LAMA5: variants seen among roughly 807,000 people sequenced by gnomAD.
The protein encoded by LAMA5 is laminin subunit alpha-5.
LAMA5 carries 260 observed loss-of-function variants against 433.4 expected under a neutral mutation model. That is an observed-to-expected ratio of 0.60 (90% CI 0.54 to 0.66). The LOEUF (loss-of-function observed/expected upper bound fraction) is 0.66. LAMA5 is among the 30% of genes least tolerant of loss of function. The probability of loss-of-function intolerance (pLI) is 0.00; values close to 1 mark genes in which losing one functional copy is unlikely to be tolerated. For missense variants in LAMA5, 5,378 were observed against 5,258.5 expected (o/e 1.02, Z -0.70); for synonymous variants, 2,620 against 2,226.6 (o/e 1.18, Z -4.97).
In LAMA5 at chr20:62,352,503, C is replaced by G. The variant is rs186611708; in HGVS notation, c.569-143G>C. The G allele has an allele frequency of 3.4e-4, 220 of 646,404 alleles. 2 individuals are homozygous for G. The African/African-American group carries it at 3.5e-3, about 10-fold the overall frequency. The allele number at this position is 646,404 out of a possible 1,614,324, so 40.0% of individuals were successfully genotyped here. ...GCCGCGTGACAGAGACCACAGCTCACTGGCTGAAGGGGCCTGGCCCGTTGG... is the reference window on the plus strand; with the variant it reads ...GCCGCGTGACAGAGACCACAGCTCAGTGGCTGAAGGGGCCTGGCCCGTTGG... On this transcript the variant is annotated intron_variant, in intron 3 of 79. Coordinates refer to ENST00000252999, the MANE Select transcript of LAMA5 (RefSeq NM_005560.6).
At chr20:62,334,407 C>G in intron 21 of LAMA5, 65 bp from the exon 22 acceptor site, 1 of 1,524,796 alleles carries the variant, frequency 6.6e-7, no homozygotes, top group South Asian at 1.2e-5. Flanking sequence ...ACAGCGGCCC[C>G]GGGTCTCCAG....
chr20:62,360,966 G>A (rs1986066260), intron 2 of LAMA5, among the ~76,000 whole-genome samples: 1 of 152,104 alleles, frequency 6.6e-6, no homozygotes, highest in Admixed American at 6.5e-5. Flanking sequence ...CGGGCACTGC[G>A]CCCACTGGCT....
rs768417939 is a variant in LAMA5 at position 62,310,187 on chromosome 20, G to A, written c.10725C>T (p.Thr3575=). ...RTPPYLQLQV[T]EKQVLLRADD... Reference sequence around the variant, plus strand: ...CCTCTGCCAGGCTTACTTGCTTCTCGGTCACCTGCAACTGCAAGTAGGGGG... The same window carrying A: ...CCTCTGCCAGGCTTACTTGCTTCTCAGTCACCTGCAACTGCAAGTAGGGGG... The change falls in exon 77 of 80, where the codon ACC becomes ACT. Residue 3575 remains threonine (T), a synonymous_variant. Transcript: ENST00000252999. The A allele has an allele frequency of 3.0e-5, 49 of 1,612,298 alleles. No individual in the cohort carries two copies. The highest frequency in any genetic ancestry group is 1.7e-4 in the Admixed American group (10 of 59,998).
In LAMA5 at chr20:62,312,481, G is replaced by A. The variant is rs770500235; in HGVS notation, c.9279C>T (p.Gly3093=). The change falls in exon 68 of 80, where the codon GGC becomes GGT. Residue 3093 remains glycine (G), a synonymous_variant. Coordinates refer to ENST00000252999, the MANE Select transcript of LAMA5 (RefSeq NM_005560.6). ...CCACATACTTGCCCAGGGCCTTGAT[G>A]CCTTTGACGCAGCCACGGACTGAGC... ...TGGSVRGCVK[G]IKALGKYVDL... 7 of 1,598,410 alleles carry A rather than the reference G, an allele frequency of 4.4e-6. No homozygotes were observed. Among genetic ancestry groups the A allele is most frequent in the African/African-American group, 1.3e-5 (1 of 74,904 alleles).
intron 54 of LAMA5, 55 bp from the exon 55 acceptor site, chr20:62,317,554 A>G: frequency 6.6e-7 from 1 of 1,522,634 alleles, no homozygotes; most frequent in Non-Finnish European, 8.8e-7. Flanking sequence ...CTGATCCACG[A>G]CCCTGAGGGC....
Position 62,320,641 on chromosome 20 carries a change from C to A in LAMA5, c.6677G>T (p.Arg2226Leu). ...QSQLRSPLGP[R>L]HETAQQLEVL... ...CTCCAGCTGCTGTGCCGTCTCATGG[C>A]GGGGGCCCAGGGGGCTCCGGAGCTG... The change falls in exon 50 of 80, where the codon CGC becomes CTC. Residue 2226 changes from arginine to leucine, a missense_variant. Transcript: ENST00000252999. 1 of 1,606,844 alleles carries A rather than the reference C, an allele frequency of 6.2e-7. No individual in the cohort carries two copies.
chr20:62,354,348 TCC>T (rs1984837772), intron 2 of LAMA5, among the ~76,000 whole-genome samples: 8 of 34,718 alleles, frequency 2.3e-4, no homozygotes, highest in Non-Finnish European at 1.2e-4. Flanking sequence ...CCTCCCTCCC[TCC>T]CTCCCTACCC....
chr20:62,312,775 C>T lies in LAMA5; in HGVS notation c.9084G>A (p.Gln3028=), dbSNP rs747409749. Residue 3028 remains glutamine, a synonymous_variant, in exon 67 of 80, where the codon CAG becomes CAA. Transcript: ENST00000252999. The part of the protein sequence containing the change: ...PPLTSASKAI[Q]VFLLGGSRKR... ...TGCGGCTGCCCCCCAGCAGGAACAC[C>T]TGGATCTACAGGACCAGTGGGGGCT... 1.4e-4 allele frequency: 227 copies of T among 1,591,748 alleles called. No individual in the cohort carries two copies. Among genetic ancestry groups the T allele is most frequent in the Non-Finnish European group, 1.9e-4 (220 of 1,171,972 alleles).
chr20:62,338,306 C>G lies in LAMA5; in HGVS notation c.1682G>C (p.Arg561Thr). ...GGCCCCCTCGAAGCCCACTCGGCAC[C>G]TGCACTGGCCTGTGTCAGGGTCACA... ...DRCDPDTGQC[R>T]CRVGFEGATC... Residue 561 changes from arginine (R) to threonine (T), a missense_variant, in exon 13 of 80, where the codon AGG becomes ACG. Transcript: ENST00000252999. 1 of 1,605,656 alleles carries G rather than the reference C, an allele frequency of 6.2e-7. No individual in the cohort carries two copies. Among genetic ancestry groups the G allele is most frequent in the Non-Finnish European group, 8.5e-7 (1 of 1,176,572 alleles).
intron 48 of LAMA5, 100 bp from the exon 49 acceptor site, chr20:62,320,990 CAG>C: frequency 7.5e-7 from 1 of 1,341,684 alleles, no homozygotes; most frequent in Non-Finnish European, 1.0e-6. Flanking sequence ...AGGGCTCAGC[CAG>C]AGGTCATGAG....
chr20:62,347,386 C>A (rs1219577769), intron 6 of LAMA5, among the ~76,000 whole-genome samples: 1 of 152,098 alleles, frequency 6.6e-6, no homozygotes, highest in Non-Finnish European at 1.5e-5. Context: ...CCCTTGCCTG[C>A]AGGTCAGGAT....
At chr20:62,334,080 T>G (rs1601358383) in intron 22 of LAMA5, 41 bp from the exon 23 acceptor site, 2 of 1,596,300 alleles carry the variant, frequency 1.3e-6, no homozygotes, top group East Asian at 2.2e-5. Flanking sequence ...CCCTGACCAC[T>G]GCCAGCCTGA....
chr20:62,315,312 T>C (rs1568902058), intron 58 of LAMA5, 105 bp from the exon 59 acceptor site: 1 of 984,970 alleles, frequency 1.0e-6, no homozygotes, highest in South Asian at 1.6e-5. Flanking sequence ...TCCAACCCCC[T>C]ATGGATCGTG....
chr20:62,329,045 A>C lies in LAMA5; in HGVS notation c.4246T>G (p.Ser1416Ala). ...GCAGCGTTTCGGCAGAACAGGGATG[A>C]GCTGCTGGGGCTACATGGAGGGGCA... is the stretch of plus-strand genomic sequence containing the variant. ...AQGYHISPSS[S>A]SLFCRNAAAS... Residue 1416 changes from serine to alanine, a missense_variant, in exon 34 of 80, where the codon TCA becomes GCA. Coordinates refer to ENST00000252999, the MANE Select transcript of LAMA5 (RefSeq NM_005560.6). The C allele has an allele frequency of 6.2e-7, 1 of 1,612,700 alleles. No homozygotes were observed. Among genetic ancestry groups the C allele is most frequent in the Non-Finnish European group, 8.5e-7 (1 of 1,179,872 alleles).
Position 62,312,619 on chromosome 20 carries a change from G to C in LAMA5, c.9227+13C>G. 1.9e-6 allele frequency: 3 copies of C among 1,603,014 alleles called. No homozygotes were observed. Among genetic ancestry groups the C allele is most frequent in the Non-Finnish European group, 2.5e-6 (3 of 1,176,548 alleles). On this transcript the variant is annotated intron_variant, in intron 67 of 79. Transcript: ENST00000252999. ...AGCCTGGCCTCGGAGCCCCAGCTGC[G>C]CACAGTGCTTACCTCGGGGGCAGCT...
At position 62,330,896 on chromosome 20, in the gene LAMA5, G is replaced by T; in HGVS notation, c.3699C>A (p.Ile1233=). The T allele has an allele frequency of 6.5e-7, 1 of 1,546,616 alleles. No homozygotes were observed. The change falls in exon 30 of 80, where the codon ATC becomes ATA. Residue 1233 remains isoleucine, a synonymous_variant. Transcript: ENST00000252999. ...GCGGGATCACCTGGCAGTCCCTGAG[G>T]ATGATGGGCTGGGGCGGCTTTGGGA... is the stretch of plus-strand genomic sequence containing the variant. The part of the protein sequence containing the change: ...SRFPKPPQPI[I]LRDCQVIPLP...
chr20:62,336,559 A>C lies in LAMA5; in HGVS notation c.2218-114T>G, dbSNP rs547325892. The C allele has an allele frequency of 9.6e-6, 11 of 1,145,844 alleles. No individual in the cohort carries two copies. In the East Asian group the frequency reaches 2.4e-4, roughly 25 times the overall value. The allele number at this position is 1,145,844 out of a possible 1,614,324, so 71.0% of individuals were successfully genotyped here. On this transcript the variant is annotated intron_variant, in intron 17 of 79. Coordinates refer to ENST00000252999, the MANE Select transcript of LAMA5 (RefSeq NM_005560.6). The stretch of plus-strand genomic sequence containing the variant: ...TGAGGGCTGAGGGCCCTCACCTGTG[A>C]CTCACAGGAGTCACCTGCAGTGGGG...
At position 62,328,336 on chromosome 20, in the gene LAMA5, G is replaced by A. The variant is rs1568932181; in HGVS notation, c.4557C>T (p.Cys1519=). The A allele has an allele frequency of 1.2e-6, 2 of 1,601,182 alleles. No individual in the cohort carries two copies. Among genetic ancestry groups the A allele is most frequent in the Non-Finnish European group, 8.5e-7 (1 of 1,174,650 alleles). ...ACTCCTCACAGCCGACCAGGGGGTG[G>A]CAGCCAAAGGTCTGGGGCTGGCACA... ...CLLCQPQTFG[C]HPLVGCEECN... is the part of the protein sequence containing the mutation. Residue 1519 remains cysteine, a synonymous_variant, in exon 35 of 80, where the codon TGC becomes TGT. Transcript: ENST00000252999.
Position 62,352,056 on chromosome 20 carries a change from T to C in LAMA5, c.711A>G (p.Gly237=). Residue 237 remains glycine, a synonymous_variant, in exon 5 of 80, where the codon GGA becomes GGG. Transcript: ENST00000252999. ...NGEIVVSLVN[G]RPGAMNFSYS... The stretch of plus-strand genomic sequence containing the variant: ...AGGAGAAATTCATGGCGCCCGGACG[T>C]CCGTTCACCAGGGACACCACGATCT... The C allele has an allele frequency of 6.2e-7, 1 of 1,612,120 alleles. No individual in the cohort carries two copies. The highest frequency in any genetic ancestry group is 8.5e-7 in the Non-Finnish European group (1 of 1,179,866).
Sources: allele counts gnomAD v4.1 joint callset (sites outside exome capture counted in the v4.1 genomes callset), GRCh38; gene constraint gnomAD v4.1.1; transcripts MANE v1.5; gene names NCBI Gene and HGNC (gene_info 2026-07-23, HGNC 2026-07-21).